Variants in DGKB observed in about 807,000 individuals in gnomAD.
DGKB encodes the protein diacylglycerol kinase beta, also known as 90 kDa diacylglycerol kinase.
Under a neutral mutation model 114.3 loss-of-function variants are expected in DGKB, and 67 were observed. That is an observed-to-expected ratio of 0.59 (90% CI 0.48 to 0.72). The LOEUF (loss-of-function observed/expected upper bound fraction) is 0.72. Ranked by LOEUF, DGKB falls within the 30% of genes least tolerant of loss-of-function variation. The probability of loss-of-function intolerance (pLI) is 0.00; values close to 1 mark genes in which losing one functional copy is unlikely to be tolerated. For synonymous variants in DGKB, 398 were observed against 323.1 expected (o/e 1.23, Z -2.49); for missense variants, 907 against 975.2 (o/e 0.93, Z 0.93).
At position 14,861,116 on chromosome 7, in the gene DGKB, T is replaced by C. The variant is rs554035979; in HGVS notation, c.-187-19666A>G. 2.0e-5 allele frequency among the ~76,000 whole-genome samples: 3 copies of C among 152,092 alleles called. No homozygotes were observed. In the East Asian group the frequency reaches 5.8e-4, roughly 29 times the overall value. On this transcript the variant is annotated intron_variant, in intron 1 of 25. Coordinates refer to ENST00000402815, the MANE Select transcript of DGKB (RefSeq NM_001350709.2). ...TTTGTATTTCCAGGTATCTGGCATATGTGTGTAATAAATCCTAGACCACTG... is the reference window on the plus strand; with the variant it reads ...TTTGTATTTCCAGGTATCTGGCATACGTGTGTAATAAATCCTAGACCACTG...
At chr7:14,199,117 A>G (rs1785452601) in intron 23 of DGKB, among the ~76,000 whole-genome samples, 1 of 152,030 alleles carries the variant, frequency 6.6e-6, no homozygotes, top group Non-Finnish European at 1.5e-5. Flanking sequence ...GTTACATAGT[A>G]ATTTTTTTGC....
In DGKB at chr7:14,497,360, A is replaced by G. The variant is rs1345509613; in HGVS notation, c.1771-19135T>C. 2.0e-5 allele frequency among the ~76,000 whole-genome samples: 3 copies of G among 151,856 alleles called. No individual in the cohort carries two copies. In the East Asian group the frequency reaches 5.8e-4, roughly 29 times the overall value. On this transcript the variant is annotated intron_variant, in intron 20 of 25. Coordinates refer to ENST00000402815, the MANE Select transcript of DGKB (RefSeq NM_001350709.2). ...TAAAATAAAAATTTTAAAATAAAAC[A>G]TAAGAAATGTTTTAAAAAAAGAAAA...
At chr7:14,758,643 T>C (rs1835229139) in intron 2 of DGKB, among the ~76,000 whole-genome samples, 1 of 152,148 alleles carries the variant, frequency 6.6e-6, no homozygotes. Flanking sequence ...GGCTACCAAT[T>C]GAATATAATT....
chr7:14,850,954 C>A (rs1183974470), intron 1 of DGKB, among the ~76,000 whole-genome samples: 1 of 152,122 alleles, frequency 6.6e-6, no homozygotes, highest in Admixed American at 6.5e-5. Flanking sequence ...ACTTTCCTTT[C>A]TCATGAAAAG....
rs569130767 is a variant in DGKB, at chr7:14,533,634, T to A, written c.1770+40578A>T. Among the ~76,000 whole-genome samples, 10 of 151,950 alleles carry A rather than the reference T, an allele frequency of 6.6e-5. No individual in the cohort carries two copies. In the South Asian group the frequency reaches 1.9e-3, roughly 28 times the overall value. ...AAGTCTACAATGAGAAACATTATAA[T>A]TAAATTGTGAAAAGGCAAAGACAAA... On this transcript the variant is annotated intron_variant, in intron 20 of 25. Coordinates refer to ENST00000402815, the MANE Select transcript of DGKB (RefSeq NM_001350709.2).
chr7:14,364,852 A>G (rs1816377951), intron 21 of DGKB, among the ~76,000 whole-genome samples: 1 of 152,016 alleles, frequency 6.6e-6, no homozygotes, highest in Non-Finnish European at 1.5e-5. Context: ...CTCAAGAACC[A>G]AAAGTCGTGG....
chr7:14,335,009 C>T (rs1810409451), intron 23 of DGKB, among the ~76,000 whole-genome samples: 1 of 152,088 alleles, frequency 6.6e-6, no homozygotes, highest in African/African-American at 2.4e-5. Flanking sequence ...GAATTGCATC[C>T]AACTATTTTA....
chr7:14,526,244 T>G (rs945653694), intron 20 of DGKB, among the ~76,000 whole-genome samples: 1 of 152,132 alleles, frequency 6.6e-6, no homozygotes, highest in Admixed American at 6.6e-5. Flanking sequence ...TGAGCCGGAT[T>G]CTTCGTTGTT....
Position 14,281,312 on chromosome 7 carries a change from T to C in DGKB, c.2122+57203A>G, listed in dbSNP as rs547226615. Among the ~76,000 whole-genome samples, 3 of 149,112 alleles carry C rather than the reference T, an allele frequency of 2.0e-5. No individual in the cohort carries two copies. The Admixed American group carries it at 2.0e-4, about 10-fold the overall frequency. ...GATCAATTCAACAAGAAGAGCTAAC[T>C]ATCCTAAATATATATGCACCCAATA... On this transcript the variant is annotated intron_variant, in intron 23 of 25. Coordinates refer to ENST00000402815, the MANE Select transcript of DGKB (RefSeq NM_001350709.2).
chr7:14,504,843 C>T (rs1786775468), intron 20 of DGKB, among the ~76,000 whole-genome samples: 1 of 152,130 alleles, frequency 6.6e-6, no homozygotes, highest in Non-Finnish European at 1.5e-5. Flanking sequence ...AGTCAACATG[C>T]CACTAAATAC....
At chr7:14,823,608 A>C (rs1224242750) in intron 2 of DGKB, among the ~76,000 whole-genome samples, 5 of 152,136 alleles carry the variant, frequency 3.3e-5, no homozygotes, top group Admixed American at 6.6e-5. Context: ...ATTATTTTTG[A>C]CACTGGGAAA....
intron 23 of DGKB, among the ~76,000 whole-genome samples, chr7:14,179,210 A>G (rs1364125711): frequency 6.6e-6 from 1 of 152,196 alleles, no homozygotes; most frequent in Non-Finnish European, 1.5e-5. Context: ...GCAGAAGTTG[A>G]ACTCACATCA....
At position 14,276,440 on chromosome 7, in the gene DGKB, A is replaced by G. The variant is rs538203801; in HGVS notation, c.2122+62075T>C. 2.0e-5 allele frequency among the ~76,000 whole-genome samples: 3 copies of G among 152,292 alleles called. No individual in the cohort carries two copies. The South Asian group carries it at 6.2e-4, about 32-fold the overall frequency. ...CTACATGATAGAATACTGTAATGCC[A>G]TTGCCATCATATTTTTAAAAACATT... On this transcript the variant is annotated intron_variant, in intron 23 of 25. Coordinates refer to ENST00000402815, the MANE Select transcript of DGKB (RefSeq NM_001350709.2).
At chr7:14,901,891 G>C (rs564201569) in intron 1 of DGKB, among the ~76,000 whole-genome samples, 1 of 152,220 alleles carries the variant, frequency 6.6e-6, no homozygotes, top group South Asian at 2.1e-4. Context: ...TGAACACAAT[G>C]CTGCTTGGTT....
chr7:14,365,114 C>T (rs1291813266), intron 21 of DGKB, among the ~76,000 whole-genome samples: 1 of 150,988 alleles, frequency 6.6e-6, no homozygotes, highest in East Asian at 1.9e-4. Flanking sequence ...CTCTTCATTC[C>T]AGTTTAATTT....
chr7:14,872,362 C>T (rs1208025376), intron 1 of DGKB, among the ~76,000 whole-genome samples: 4 of 152,210 alleles, frequency 2.6e-5, no homozygotes, highest in East Asian at 1.9e-4. Flanking sequence ...TCAGGATCTC[C>T]GCAGAGCACA....
chr7:14,688,471 T>C (rs990559789), intron 9 of DGKB, among the ~76,000 whole-genome samples: 1 of 152,204 alleles, frequency 6.6e-6, no homozygotes, highest in Non-Finnish European at 1.5e-5. Context: ...ACGGGTGTTA[T>C]ATAAACAGCA....
chr7:14,351,026 C>A (rs559455365), intron 21 of DGKB, among the ~76,000 whole-genome samples: 7 of 152,086 alleles, frequency 4.6e-5, no homozygotes, highest in Admixed American at 1.3e-4. Context: ...TATTCAGTAA[C>A]TTTATTTTAA....
intron 1 of DGKB, among the ~76,000 whole-genome samples, chr7:14,945,805 T>G (rs559204704): frequency 1.3e-5 from 2 of 151,784 alleles, no homozygotes; most frequent in Non-Finnish European, 2.9e-5. Flanking sequence ...TGTTATTATT[T>G]AGAATTAGTA....
Sources: allele counts gnomAD v4.1 joint callset (sites outside exome capture counted in the v4.1 genomes callset), GRCh38; gene constraint gnomAD v4.1.1; transcripts MANE v1.5; gene names NCBI Gene and HGNC (gene_info 2026-07-23, HGNC 2026-07-21).